LRBA: variants seen among roughly 807,000 people sequenced by gnomAD.
The protein encoded by LRBA is LPS responsive beige-like anchor protein, also known as lipopolysaccharide-responsive and beige-like anchor protein.
LRBA carries 176 observed loss-of-function variants against 330.0 expected under a neutral mutation model. That is an observed-to-expected ratio of 0.53 (90% CI 0.47 to 0.60). The LOEUF (loss-of-function observed/expected upper bound fraction) is 0.60. Among genes scored for constraint, LRBA ranks in the 20% least tolerant of loss-of-function variants. The pLI is 0.00. For synonymous variants in LRBA, 1,230 were observed against 1,193.0 expected, an observed-to-expected ratio of 1.03 and a Z score of -0.64; for missense variants, 3,259 against 3,444.8, an observed-to-expected ratio of 0.95 and a Z score of 1.35.
chr4:150,388,953 C>T (rs1743479890), intron 47 of LRBA, among the ~76,000 whole-genome samples: 1 of 152,150 alleles, frequency 6.6e-6, no homozygotes, highest in Non-Finnish European at 1.5e-5. Context: ...TCCATCACCA[C>T]AGAAATATTA....
intron 28 of LRBA, among the ~76,000 whole-genome samples, chr4:150,842,906 G>A (rs1397970690): frequency 5.9e-5 from 9 of 152,224 alleles, no homozygotes; most frequent in Middle Eastern, 6.8e-3. Context: ...TAGGGGGTAA[G>A]AGGCGGGGTG....
At position 150,831,834 on chromosome 4, in the gene LRBA, T is replaced by G; in HGVS notation, c.4712A>C (p.Glu1571Ala). 5.0e-6 allele frequency: 8 copies of G among 1,597,798 alleles called. No individual in the cohort carries two copies. Among genetic ancestry groups the G allele is most frequent in the Non-Finnish European group, 6.8e-6 (8 of 1,172,898 alleles). The change falls in exon 29 of 57, where the codon GAG becomes GCG. Residue 1571 changes from glutamate to alanine, a missense_variant. Glu to Ala is a moderately radical substitution (Grantham distance 107). Coordinates refer to ENST00000651943, the MANE Select transcript of LRBA (RefSeq NM_001364905.1). Reference protein sequence around the residue: ...QSCTETGSENENVSLSEITPA... With the variant: ...QSCTETGSENANVSLSEITPA... ...AAACTTACCAGAGAGTGATACATTC[T>G]CATTTTCACTGCCAGTTTCTGTACA... is the stretch of plus-strand genomic sequence containing the variant.
intron 34 of LRBA, among the ~76,000 whole-genome samples, chr4:150,795,449 A>C (rs944427542): frequency 6.6e-6 from 1 of 152,014 alleles, no homozygotes; most frequent in Non-Finnish European, 1.5e-5. Context: ...TCTTATTTTA[A>C]GAAATAAAGA....
intron 5 of LRBA, among the ~76,000 whole-genome samples, chr4:150,917,302 C>T (rs1200044716): frequency 6.6e-6 from 1 of 151,888 alleles, no homozygotes; most frequent in Non-Finnish European, 1.5e-5. Context: ...AACCTGGACA[C>T]ATGAATCTTG....
chr4:150,852,626 T>A lies in LRBA; in HGVS notation c.3084A>T (p.Leu1028Phe), dbSNP rs1305088791. ...TTTCTTCCAAAGTGCCTTCATCTGG[T>A]AACTCCTGATTTTCTTGCTCAGCTT... is the stretch of plus-strand genomic sequence containing the variant. ...EMKAEQENQE[L>F]PDEGTLEETL... Residue 1028 changes from leucine to phenylalanine, a missense_variant, in exon 23 of 57, where the codon TTA (leucine) becomes TTT (phenylalanine). By Grantham distance (22) the Leu-to-Phe change is conservative. Transcript: ENST00000651943. 1 of 1,614,088 alleles carries A rather than the reference T, an allele frequency of 6.2e-7. No homozygotes were observed. The highest frequency in any genetic ancestry group is 8.5e-7 in the Non-Finnish European group (1 of 1,179,966).
At chr4:150,864,881 A>G (rs907669759) in intron 22 of LRBA, among the ~76,000 whole-genome samples, 1 of 152,042 alleles carries the variant, frequency 6.6e-6, no homozygotes, top group African/African-American at 2.4e-5. Context: ...TCCTGACCTC[A>G]AGTGATCCAG....
At chr4:150,920,035 C>A (rs150799015) in intron 5 of LRBA, among the ~76,000 whole-genome samples, 2 of 150,218 alleles carry the variant, frequency 1.3e-5, no homozygotes, top group African/African-American at 2.5e-5. Context: ...TAAGGAAAAA[C>A]TGTAAAGGAA....
At chr4:150,325,993 G>T (rs2126946374) in intron 48 of LRBA, 95 bp from the exon 49 acceptor site, 2 of 746,542 alleles carry the variant, frequency 2.7e-6, no homozygotes, top group East Asian at 5.4e-5. Context: ...CCATACTCTG[G>T]CTTGTTTCAT....
intron 40 of LRBA, among the ~76,000 whole-genome samples, chr4:150,500,359 T>C (rs1212827516): frequency 6.6e-6 from 1 of 151,898 alleles, no homozygotes; most frequent in African/African-American, 2.4e-5. Context: ...CAAATATTCC[T>C]GAGGTCAGTA....
intron 35 of LRBA, among the ~76,000 whole-genome samples, chr4:150,737,544 CGAAA>C (rs1731364236): frequency 9.5e-6 from 1 of 105,514 alleles, no homozygotes; most frequent in South Asian, 3.0e-4. Context: ...AAAAGAAAGA[CGAAA>C]GAAAGAGAGA....
chr4:150,424,733 A>T (rs931465631), intron 46 of LRBA, among the ~76,000 whole-genome samples: 2 of 152,266 alleles, frequency 1.3e-5, no homozygotes, highest in African/African-American at 4.8e-5. Flanking sequence ...AGTACCTGGA[A>T]AAAGCCCACA....
At chr4:150,728,631 T>C (rs1730026861) in intron 36 of LRBA, among the ~76,000 whole-genome samples, 1 of 151,270 alleles carries the variant, frequency 6.6e-6, no homozygotes, top group East Asian at 1.9e-4. Context: ...AAAAAGCATC[T>C]GATAAAGTAC....
intron 40 of LRBA, among the ~76,000 whole-genome samples, chr4:150,524,504 G>T (rs1405588979): frequency 6.6e-6 from 1 of 152,052 alleles, no homozygotes; most frequent in East Asian, 1.9e-4. Flanking sequence ...CTACCCAATA[G>T]AAAATAAACC....
intron 47 of LRBA, among the ~76,000 whole-genome samples, chr4:150,371,447 T>C (rs1740306334): frequency 6.6e-6 from 1 of 151,972 alleles, no homozygotes; most frequent in Non-Finnish European, 1.5e-5. Flanking sequence ...CCTGCCTCGG[T>C]CTCCAAAGTG....
intron 42 of LRBA, among the ~76,000 whole-genome samples, chr4:150,486,761 T>G (rs1447711499): frequency 6.6e-6 from 1 of 151,762 alleles, no homozygotes; most frequent in Non-Finnish European, 1.5e-5. Flanking sequence ...TAACTAAAAT[T>G]TTGTATCCTT....
At chr4:150,984,496 C>T (rs962977214) in intron 2 of LRBA, among the ~76,000 whole-genome samples, 11 of 150,786 alleles carry the variant, frequency 7.3e-5, no homozygotes, top group South Asian at 6.3e-4. Context: ...GCAACAAGAG[C>T]GAAAGTCCGT....
intron 36 of LRBA, among the ~76,000 whole-genome samples, chr4:150,714,795 T>C (rs1457346757): frequency 6.6e-6 from 1 of 152,170 alleles, no homozygotes; most frequent in Non-Finnish European, 1.5e-5. Flanking sequence ...TTTATACCAG[T>C]TTTAGTCTAA....
chr4:150,490,814 G>A, intron 41 of LRBA, 104 bp downstream of exon 41: 1 of 562,888 alleles, frequency 1.8e-6, no homozygotes, highest in Admixed American at 2.8e-5. Context: ...CAGAAGGTGG[G>A]CTACAAATAA....
At chr4:150,812,569 G>GT (rs1743901772) in intron 31 of LRBA, among the ~76,000 whole-genome samples, 1 of 152,092 alleles carries the variant, frequency 6.6e-6, no homozygotes, top group South Asian at 2.1e-4. Flanking sequence ...TACATGCCCA[G>GT]TAAAAACTAA....
Sources: allele counts gnomAD v4.1 joint callset (sites outside exome capture counted in the v4.1 genomes callset), GRCh38; gene constraint gnomAD v4.1.1; transcripts MANE v1.5; gene names NCBI Gene and HGNC (gene_info 2026-07-23, HGNC 2026-07-21).